LRRC28: variants seen among roughly 807,000 people sequenced by gnomAD.
LRRC28 encodes the protein leucine rich repeat containing 28.
A neutral mutation model predicts 45.7 loss-of-function variants in LRRC28; 39 were observed. The observed-to-expected ratio is 0.85, with a 90% confidence interval of 0.66 to 1.12. The LOEUF is 1.12. Ranked by LOEUF, LRRC28 falls within the 50% of genes most tolerant of loss-of-function variation. LRRC28 has a pLI of 0.00. For synonymous variants in LRRC28, 206 were observed against 178.8 expected (o/e 1.15, Z -1.22); for missense variants, 435 against 438.5 (o/e 0.99, Z 0.07).
chr15:99,371,985 T>C (rs1957496169), intron 9 of LRRC28, among the ~76,000 whole-genome samples: 1 of 152,214 alleles, frequency 6.6e-6, no homozygotes, highest in Non-Finnish European at 1.5e-5. Context: ...AATCTTCCCA[T>C]GAGAGACAGT....
rs532878094 is a variant in LRRC28, at chr15:99,285,927, T to C, written c.210-1330T>C. 52 of 216,660 alleles carry C rather than the reference T, an allele frequency of 2.4e-4. No homozygotes were observed. In the South Asian group the frequency reaches 3.0e-3, roughly 13 times the overall value. The allele number at this position is 216,660 out of a possible 1,614,324, so 13.4% of individuals were successfully genotyped here. A position where few individuals can be genotyped will look rare whatever the true frequency, so the allele number is the denominator to read the frequency against. ...ATGTATCATAGAGTAAATGGTGGGCTTATTTAAATTGTGTTATACCCAGCA... is the reference window on the plus strand; with the variant it reads ...ATGTATCATAGAGTAAATGGTGGGCCTATTTAAATTGTGTTATACCCAGCA... On this transcript the variant is annotated intron_variant, in intron 3 of 9. Coordinates refer to ENST00000301981, the MANE Select transcript of LRRC28 (RefSeq NM_144598.5).
chr15:99,386,177 C>A lies in LRRC28; in HGVS notation c.*75C>A. 8.6e-7 allele frequency: 1 copy of A among 1,168,868 alleles called. No homozygotes were observed. Among genetic ancestry groups the A allele is most frequent in the African/African-American group, 1.5e-5 (1 of 66,394 alleles). The allele number at this position is 1,168,868 out of a possible 1,614,324, so 72.4% of individuals were successfully genotyped here. A position where few individuals can be genotyped will look rare whatever the true frequency, so the allele number is the denominator to read the frequency against. ...CAGCCAGTCCAGCACACTCTTCCAT[C>A]CTGTCCTGTCCAATGCGGGGGCACT... is the stretch of plus-strand genomic sequence containing the variant. On this transcript the variant is annotated 3_prime_UTR_variant, in exon 10 of 10. Coordinates refer to ENST00000301981, the MANE Select transcript of LRRC28 (RefSeq NM_144598.5).
At chr15:99,258,770 A>C in intron 2 of LRRC28, 5 of 695,902 alleles carry the variant, frequency 7.2e-6, no homozygotes, top group South Asian at 5.5e-5. Flanking sequence ...CTTCAAATCA[A>C]TTTTATTTGT....
intron 5 of LRRC28, among the ~76,000 whole-genome samples, chr15:99,332,706 T>C (rs1956198906): frequency 6.6e-6 from 1 of 152,188 alleles, no homozygotes; most frequent in Non-Finnish European, 1.5e-5. Context: ...CTGTGAGCCA[T>C]AGTTTACCAC....
At chr15:99,333,745 C>A in intron 5 of LRRC28, 178 bp from the exon 6 acceptor site, 1 of 654,024 alleles carries the variant, frequency 1.5e-6, no homozygotes, top group Non-Finnish European at 2.6e-6. Flanking sequence ...AATTTAAAAA[C>A]ACTCACCTAG....
At chr15:99,373,263 T>C (rs79636780) in intron 9 of LRRC28, among the ~76,000 whole-genome samples, 2,220 of 152,316 alleles carry the variant, frequency 0.015, 60 homozygotes, top group East Asian at 0.077. Context: ...AATGCACTTT[T>C]TATGTCTGTG....
intron 5 of LRRC28, among the ~76,000 whole-genome samples, chr15:99,326,943 T>C (rs979841454): frequency 5.9e-5 from 9 of 152,238 alleles, no homozygotes; most frequent in Non-Finnish European, 1.5e-5. Context: ...AGACAGTTTG[T>C]GAACAATTGA....
In LRRC28 at chr15:99,363,260, C is replaced by T. The variant is rs147857587; in HGVS notation, c.1026C>T (p.His342=). The stretch of plus-strand genomic sequence containing the variant: ...GAGAGACGCCAATGGCAGGGCTGCA[C>T]CAGTGGTAATCATGCCTAAGTGGGC... The part of the protein sequence containing the change: ...PLRETPMAGL[H]QWKTTVSFVA... The change falls in exon 9 of 10, where the codon CAC becomes CAT. Residue 342 remains histidine, a synonymous_variant. Coordinates refer to ENST00000301981, the MANE Select transcript of LRRC28 (RefSeq NM_144598.5). 1.9e-6 allele frequency: 3 copies of T among 1,613,788 alleles called. No homozygotes were observed. Among genetic ancestry groups the T allele is most frequent in the Non-Finnish European group, 2.5e-6 (3 of 1,179,836 alleles).
chr15:99,269,238 C>G (rs1381772351), intron 2 of LRRC28, among the ~76,000 whole-genome samples: 1 of 152,142 alleles, frequency 6.6e-6, no homozygotes, highest in African/African-American at 2.4e-5. Flanking sequence ...TCTACAAATG[C>G]TAAGCAAATA....
intron 5 of LRRC28, among the ~76,000 whole-genome samples, chr15:99,300,346 A>G (rs2082365289): frequency 6.6e-6 from 1 of 152,010 alleles, no homozygotes; most frequent in Admixed American, 6.5e-5. Flanking sequence ...ATTTTTACCT[A>G]GTTTTAAAAT....
At chr15:99,315,588 A>G (rs749961166) in intron 5 of LRRC28, among the ~76,000 whole-genome samples, 3 of 152,194 alleles carry the variant, frequency 2.0e-5, no homozygotes, top group African/African-American at 4.8e-5. Context: ...TTTTGAACCA[A>G]TCATTTTTTT....
In LRRC28 at chr15:99,278,395, C is replaced by T. The variant is rs1024096347; in HGVS notation, c.209+1779C>T. Among the ~76,000 whole-genome samples the T allele has an allele frequency of 2.6e-5, 4 of 152,284 alleles. No individual in the cohort carries two copies. In the East Asian group the frequency reaches 5.8e-4, roughly 22 times the overall value. On this transcript the variant is annotated intron_variant, in intron 3 of 9. Transcript: ENST00000301981. The stretch of plus-strand genomic sequence containing the variant: ...TCCTAGTAGCTGGGATTACAGGCAT[C>T]CGCCACCACGCCTGGCTAATTTTTG...
At chr15:99,257,523 T>A (rs779060323) in intron 2 of LRRC28, 25 of 432,466 alleles carry the variant, frequency 5.8e-5, no homozygotes, top group Non-Finnish European at 8.7e-5. Flanking sequence ...AAAGTTAAAT[T>A]TGTGGGCGGA....
chr15:99,282,651 T>C (rs1263062432), intron 3 of LRRC28, among the ~76,000 whole-genome samples: 1 of 152,224 alleles, frequency 6.6e-6, no homozygotes, highest in South Asian at 2.1e-4. Context: ...TAAGAGCAAC[T>C]ACACCTTGTA....
At chr15:99,348,801 A>C (rs1207589194) in intron 6 of LRRC28, among the ~76,000 whole-genome samples, 1 of 142,888 alleles carries the variant, frequency 7.0e-6, no homozygotes, top group African/African-American at 2.6e-5. Flanking sequence ...ATTTTTTTCT[A>C]CTTTTATAAA....
At chr15:99,280,362 C>G (rs1244056210) in intron 3 of LRRC28, among the ~76,000 whole-genome samples, 4 of 151,998 alleles carry the variant, frequency 2.6e-5, no homozygotes, top group Admixed American at 6.6e-5. Context: ...TCTAAAAACT[C>G]TGTGTCTAGC....
At chr15:99,264,554 CTCT>C in intron 2 of LRRC28, among the ~76,000 whole-genome samples, 1 of 152,302 alleles carries the variant, frequency 6.6e-6, no homozygotes, top group Non-Finnish European at 1.5e-5. Context: ...GCGGGAGCAG[CTCT>C]TCTTTTGTTT....
intron 5 of LRRC28, among the ~76,000 whole-genome samples, chr15:99,290,206 C>T (rs1597253161): frequency 6.6e-6 from 1 of 151,072 alleles, no homozygotes; most frequent in African/African-American, 2.4e-5. Flanking sequence ...TTGCAGTGAG[C>T]CGAGATTGCA....
In LRRC28 at chr15:99,362,727, A is replaced by G. The variant is rs376358825; in HGVS notation, c.872-379A>G. 1.2e-4 allele frequency among the ~76,000 whole-genome samples: 19 copies of G among 152,300 alleles called. 1 individual carries two copies. In the East Asian group the frequency reaches 2.3e-3, roughly 19 times the overall value. On this transcript the variant is annotated intron_variant, in intron 8 of 9. Coordinates refer to ENST00000301981, the MANE Select transcript of LRRC28 (RefSeq NM_144598.5). The stretch of plus-strand genomic sequence containing the variant: ...TGATAGATTAGGGAGAACTTAATGA[A>G]ACTCAGTTTTAGTCATCAGTTCCAA...
Sources: gnomAD v4.1 joint callset for allele counts (sites outside exome capture counted in the v4.1 genomes callset) on GRCh38, gnomAD v4.1.1 for gene constraint, MANE v1.5 for transcripts, NCBI Gene and HGNC (gene_info 2026-07-23, HGNC 2026-07-21) for gene names.